The following LYRM4 variants were observed in gnomAD, a reference collection of about 807,000 sequenced individuals.
LYRM4 encodes the protein LYR motif containing 4.
In LYRM4, 9 loss-of-function variants were observed where a neutral mutation model predicts 11.7. The observed-to-expected ratio is 0.77, with a 90% CI of 0.46 to 1.34. The LOEUF (loss-of-function observed/expected upper bound fraction) is 1.34. Ranked by LOEUF, LYRM4 falls within the 40% of genes most tolerant of loss-of-function variation. The pLI, the probability that LYRM4 is intolerant of heterozygous loss-of-function variation, is 0.00. For missense variants in LYRM4, 133 were observed against 112.5 expected (o/e 1.18, Z -0.82); for synonymous variants, 42 against 40.4 (o/e 1.04, Z -0.15).
At chr6:5,122,798 G>A (rs984408345) in intron 2 of LYRM4, among the ~76,000 whole-genome samples, 4 of 152,184 alleles carry the variant, frequency 2.6e-5, no homozygotes, top group African/African-American at 4.8e-5. Flanking sequence ...AGACATCCCC[G>A]TCTGCACGGT....
chr6:5,224,608 C>G (rs757978488), intron 1 of LYRM4, among the ~76,000 whole-genome samples: 1 of 152,124 alleles, frequency 6.6e-6, no homozygotes, highest in Non-Finnish European at 1.5e-5. Context: ...TAGAAACCAC[C>G]TAAGTTTTCA....
chr6:5,095,372 C>T, the LYRM4 span, among the ~76,000 whole-genome samples: 1 of 152,192 alleles, frequency 6.6e-6, no homozygotes, highest in African/African-American at 2.4e-5. Flanking sequence ...TTCAGAGAGG[C>T]TTCCGGTGCA....
At chr6:5,089,263 C>T in the LYRM4 span, 1 of 152,158 alleles carries the variant, frequency 6.6e-6, no homozygotes, top group Non-Finnish European at 1.5e-5. Flanking sequence ...TCTGATGCAT[C>T]ATCAGGTAAT....
intron 2 of LYRM4, among the ~76,000 whole-genome samples, chr6:5,127,050 A>T (rs1340837363): frequency 6.6e-6 from 1 of 152,182 alleles, no homozygotes; most frequent in Non-Finnish European, 1.5e-5. Flanking sequence ...TCCGGGTTCA[A>T]GCAATTCTCC....
intron 2 of LYRM4, among the ~76,000 whole-genome samples, chr6:5,149,137 T>G (rs376176704): frequency 6.6e-6 from 1 of 152,256 alleles, no homozygotes; most frequent in African/African-American, 2.4e-5. Context: ...TGTTCATTAA[T>G]ATTCAATGAA....
the LYRM4 span, among the ~76,000 whole-genome samples, chr6:5,061,666 C>A: frequency 2.6e-5 from 4 of 152,108 alleles, no homozygotes; most frequent in Non-Finnish European, 5.9e-5. Flanking sequence ...AACACAAAAC[C>A]GATCCATGAC....
intron 2 of LYRM4, among the ~76,000 whole-genome samples, chr6:5,138,186 A>G (rs995140886): frequency 2.0e-5 from 3 of 152,148 alleles, no homozygotes; most frequent in Admixed American, 2.0e-4. Flanking sequence ...GATTTTATAT[A>G]TAGAAGATAT....
chr6:5,163,012 T>C (rs1758860133), intron 2 of LYRM4, among the ~76,000 whole-genome samples: 1 of 152,226 alleles, frequency 6.6e-6, no homozygotes, highest in African/African-American at 2.4e-5. Context: ...ATTTTTCATA[T>C]GTTTTCTTCC....
intron 1 of LYRM4, chr6:5,218,409 T>C: frequency 1.0e-6 from 1 of 983,956 alleles, no homozygotes; most frequent in Non-Finnish European, 1.2e-6. Context: ...AAACTTTATC[T>C]TAAAAAGGAC....
At chr6:5,050,908 A>T in the LYRM4 span, among the ~76,000 whole-genome samples, 1 of 152,250 alleles carries the variant, frequency 6.6e-6, no homozygotes, top group Admixed American at 6.5e-5. Context: ...TATCTTAAAG[A>T]TGCTCAAAGA....
the LYRM4 span, among the ~76,000 whole-genome samples, chr6:5,097,147 G>A: frequency 6.6e-6 from 1 of 152,252 alleles, no homozygotes; most frequent in Admixed American, 6.5e-5. Flanking sequence ...CCTTCTTGCT[G>A]GTGGAGACTC....
At chr6:5,226,032 G>A (rs1762872936) in intron 1 of LYRM4, among the ~76,000 whole-genome samples, 1 of 152,152 alleles carries the variant, frequency 6.6e-6, no homozygotes, top group Non-Finnish European at 1.5e-5. Flanking sequence ...GATTTGTAAG[G>A]AGGTCTTTAA....
At chr6:5,177,822 G>T (rs1250236320) in intron 2 of LYRM4, among the ~76,000 whole-genome samples, 1 of 152,126 alleles carries the variant, frequency 6.6e-6, no homozygotes, top group Non-Finnish European at 1.5e-5. Flanking sequence ...TTTATACAGG[G>T]ATGAGAAGTG....
intron 2 of LYRM4, among the ~76,000 whole-genome samples, chr6:5,199,275 T>C (rs1761246495): frequency 6.6e-6 from 1 of 152,150 alleles, no homozygotes; most frequent in African/African-American, 2.4e-5. Flanking sequence ...CTTGCAAACA[T>C]TACGCTAAGT....
intron 2 of LYRM4, among the ~76,000 whole-genome samples, chr6:5,166,233 G>C (rs1759080236): frequency 6.6e-6 from 1 of 152,184 alleles, no homozygotes; most frequent in Non-Finnish European, 1.5e-5. Context: ...GACTGTGGTA[G>C]TTTTGAAAGC....
chr6:5,101,940 C>T (rs965968401), downstream of LYRM4, among the ~76,000 whole-genome samples: 2 of 123,500 alleles, frequency 1.6e-5, no homozygotes, highest in African/African-American at 2.8e-5. Context: ...AGGCAAAACA[C>T]GAAAACACTA....
chr6:5,087,295 TGA>T, the LYRM4 span: 1 of 152,192 alleles, frequency 6.6e-6, no homozygotes, highest in African/African-American at 2.4e-5. Flanking sequence ...CTTTGTCAGC[TGA>T]TGATGTGCGC....
At chr6:5,086,153 T>C in the LYRM4 span, 2 of 1,521,064 alleles carry the variant, frequency 1.3e-6, no homozygotes, top group South Asian at 1.2e-5. Context: ...CTGGAGCGCG[T>C]GCAGTGCTCG....
chr6:5,239,147 C>T (rs938496722), intron 1 of LYRM4, among the ~76,000 whole-genome samples: 5 of 152,130 alleles, frequency 3.3e-5, no homozygotes, highest in African/African-American at 9.7e-5. Context: ...ACTGATGAAC[C>T]AACAAAAAGC....
Sources: gnomAD v4.1 joint callset for allele counts (sites outside exome capture counted in the v4.1 genomes callset) on GRCh38, gnomAD v4.1.1 for gene constraint, MANE v1.5 for transcripts, NCBI Gene and HGNC (gene_info 2026-07-23, HGNC 2026-07-21) for gene names.